Variants in SMG6 observed in about 807,000 individuals in gnomAD.
SMG6 encodes the protein telomerase-binding protein EST1A.
In SMG6, 66 loss-of-function variants were observed where a neutral mutation model predicts 142.2. That is an observed-to-expected ratio of 0.46 (90% CI 0.38 to 0.57). The LOEUF is 0.57. Among genes scored for constraint, SMG6 ranks in the 20% least tolerant of loss-of-function variants. The pLI, the probability that SMG6 is intolerant of heterozygous loss-of-function variation, is 0.00. For missense variants in SMG6, 1,793 were observed against 1,832.0 expected (o/e 0.98, Z 0.39); for synonymous variants, 779 against 702.4 (o/e 1.11, Z -1.72).
intron 14 of SMG6, among the ~76,000 whole-genome samples, chr17:2,084,374 C>T (rs1275529183): frequency 1.3e-5 from 2 of 152,346 alleles, no homozygotes; most frequent in South Asian, 4.1e-4. Flanking sequence ...CCATTATTCT[C>T]TGCCCAGGTT....
chr17:2,146,644 G>C (rs958984533), intron 13 of SMG6, among the ~76,000 whole-genome samples: 2 of 152,156 alleles, frequency 1.3e-5, no homozygotes, highest in Non-Finnish European at 2.9e-5. Context: ...ATGTTCAAGT[G>C]ATTCTCGAAC....
intron 8 of SMG6, among the ~76,000 whole-genome samples, chr17:2,254,316 C>T (rs116369346): frequency 1.1e-3 from 172 of 152,260 alleles, no homozygotes; most frequent in African/African-American, 4.0e-3. Flanking sequence ...TCCAAGAGCA[C>T]ATACATAAGC....
At position 2,068,998 on chromosome 17, in the gene SMG6, T is replaced by G; in HGVS notation, c.3682-67A>C. ...CAAGCAGGTGGGTGAGCCAGGGCCC[T>G]GACACTACGGTGTGTCAGCATCCTG... is the stretch of plus-strand genomic sequence containing the variant. On this transcript the variant is annotated intron_variant, in intron 15 of 18. Transcript: ENST00000263073. This position sits in a 1 kb window ranked among gnomAD's most constrained non-coding sequence, Gnocchi z 6.7. 3 of 1,505,544 alleles carry G rather than the reference T, an allele frequency of 2.0e-6. No homozygotes were observed. The highest frequency in any genetic ancestry group is 2.7e-6 in the Non-Finnish European group (3 of 1,091,728). 93.3% of individuals were successfully genotyped at this position (1,505,544 alleles called of 1,614,324 possible). A position where few individuals can be genotyped will look rare whatever the true frequency, so the allele number is the denominator to read the frequency against.
At chr17:2,064,138 C>T (rs1442629997) in intron 18 of SMG6, among the ~76,000 whole-genome samples, 2 of 152,034 alleles carry the variant, frequency 1.3e-5, no homozygotes, top group African/African-American at 4.8e-5. Context: ...GAAAGAAACA[C>T]GCACAGAAAG....
intron 18 of SMG6, among the ~76,000 whole-genome samples, chr17:2,064,781 T>C (rs1188665009): frequency 1.3e-5 from 2 of 152,010 alleles, no homozygotes; most frequent in Non-Finnish European, 2.9e-5. Flanking sequence ...CGGAACTCAC[T>C]GAGGACACCC....
At chr17:2,203,604 A>G (rs2072595999) in intron 10 of SMG6, among the ~76,000 whole-genome samples, 1 of 152,224 alleles carries the variant, frequency 6.6e-6, no homozygotes, top group African/African-American at 2.4e-5. Context: ...TCCTGTGTCA[A>G]AAGTTATTTA....
chr17:2,102,401 G>C (rs954194456), intron 13 of SMG6, among the ~76,000 whole-genome samples: 5 of 151,992 alleles, frequency 3.3e-5, no homozygotes, highest in African/African-American at 1.2e-4. Context: ...CTGTCACCCA[G>C]GCTGGAGTGC....
At chr17:2,087,512 T>G in intron 13 of SMG6, 1 of 1,041,182 alleles carries the variant, frequency 9.6e-7, no homozygotes, top group Non-Finnish European at 1.2e-6. Context: ...GCTAAGTACT[T>G]TGACCACCTT....
intron 8 of SMG6, 41 bp downstream of exon 8, chr17:2,282,606 C>T (rs1400820693): frequency 6.3e-7 from 1 of 1,596,672 alleles, no homozygotes; most frequent in South Asian, 1.1e-5. Context: ...CCCAGGCTTA[C>T]TGAGCTAGTT....
chr17:2,137,036 C>T lies in SMG6; in HGVS notation c.3357+35622G>A, dbSNP rs139985369. Among the ~76,000 whole-genome samples the T allele has an allele frequency of 1.7e-3, 265 of 152,184 alleles. 2 individuals carry two copies. The highest frequency in any genetic ancestry group is 5.7e-3 in the African/African-American group (238 of 41,528). ...AAAATTAGCTGGGCATGGTGGCACA[C>T]GCCTGTAGTCCCAGCTACCTTGGAG... On this transcript the variant is annotated intron_variant, in intron 13 of 18. Transcript: ENST00000263073.
At chr17:2,155,524 A>C (rs564557882) in intron 13 of SMG6, among the ~76,000 whole-genome samples, 10 of 152,354 alleles carry the variant, frequency 6.6e-5, no homozygotes, top group South Asian at 2.1e-4. Flanking sequence ...ATGAGGTTAC[A>C]TGACCATAAG....
chr17:2,272,667 G>A lies in SMG6; in HGVS notation c.2661+9980C>T, dbSNP rs149911437. On this transcript the variant is annotated intron_variant, in intron 8 of 18. Transcript: ENST00000263073. ...CTTAGAAGTGTCCTTGGCCGGGCAC[G>A]GTGGCTCATGCCTGTAATCCCAGAA... 3.8e-4 allele frequency among the ~76,000 whole-genome samples: 58 copies of A among 152,240 alleles called. No homozygotes were observed. The East Asian group carries it at 7.2e-3, about 19-fold the overall frequency.
At chr17:2,178,825 C>T (rs542276085) in intron 12 of SMG6, among the ~76,000 whole-genome samples, 40 of 152,266 alleles carry the variant, frequency 2.6e-4, no homozygotes, top group African/African-American at 9.4e-4. Context: ...GAGTGGAGCC[C>T]TCGGCGGCCT....
At chr17:2,287,096 T>C (rs113513990) in intron 6 of SMG6, among the ~76,000 whole-genome samples, 15,910 of 152,092 alleles carry the variant, frequency 0.1, 886 homozygotes, top group South Asian at 0.15. Flanking sequence ...TGCGCCTGGC[T>C]AATTTTTTGT....
At chr17:2,064,384 G>A (rs1343671572) in intron 18 of SMG6, among the ~76,000 whole-genome samples, 2 of 152,138 alleles carry the variant, frequency 1.3e-5, no homozygotes, top group African/African-American at 2.4e-5. Flanking sequence ...GTGGTCAAGC[G>A]CTTGGGTGAG....
In SMG6 at chr17:2,299,057, G is replaced by T; in HGVS notation, c.1696C>A (p.Pro566Thr). The T allele has an allele frequency of 6.2e-7, 1 of 1,614,188 alleles. No individual in the cohort carries two copies. Among genetic ancestry groups the T allele is most frequent in the Non-Finnish European group, 8.5e-7 (1 of 1,180,036 alleles). The change falls in exon 2 of 19, where the codon CCC becomes ACC. Residue 566 changes from proline to threonine, a missense_variant. By Grantham distance (38) the Pro-to-Thr change is conservative. This residue lies in a region of SMG6 where 1,597 missense variants were observed against 1,584.6 expected (regional missense o/e 1.01). Coordinates refer to ENST00000263073, the MANE Select transcript of SMG6 (RefSeq NM_017575.5). The surrounding 1 kb of genome is among the most constrained non-coding windows in gnomAD (Gnocchi z 4.3). ...CTCATGTGCTGCTCTACCTCCTCGG[G>T]ACTCATGGTGCTGGTAGGTAGAGGG... is the stretch of plus-strand genomic sequence containing the variant. ...CSPLPTSTMS[P>T]EEVEQHMRNL... is the part of the protein sequence containing the mutation.
intron 16 of SMG6, among the ~76,000 whole-genome samples, chr17:2,066,781 T>C (rs2067965963): frequency 6.6e-6 from 1 of 151,810 alleles, no homozygotes; most frequent in Non-Finnish European, 1.5e-5. Context: ...GGGTGTATGG[T>C]ACAGCAAACA....
At position 2,299,181 on chromosome 17, in the gene SMG6, G is replaced by A. The variant is rs144267376; in HGVS notation, c.1572C>T (p.Gly524=). 1.8e-4 allele frequency: 297 copies of A among 1,613,336 alleles called. No individual in the cohort carries two copies. In the African/African-American group the frequency reaches 3.6e-3, roughly 20 times the overall value. ...CCACTGGGTACTGTAGAGGGTTATA[G>A]CCCGTATAGGGATACTGGGAGGCAG... The part of the protein sequence containing the change: ...PGPASQYPYT[G]YNPLQYPVGP... Residue 524 remains glycine, a synonymous_variant, in exon 2 of 19, where the codon GGC becomes GGT. Coordinates refer to ENST00000263073, the MANE Select transcript of SMG6 (RefSeq NM_017575.5). The surrounding 1 kb of genome is among the most constrained non-coding windows in gnomAD (Gnocchi z 4.3).
chr17:2,303,110 G>A, intron 1 of SMG6: 2 of 985,456 alleles, frequency 2.0e-6, no homozygotes, highest in Non-Finnish European at 2.4e-6. Flanking sequence ...AACCCGAGTA[G>A]TCTGAGGTCC....
Sources: gnomAD v4.1 joint callset for allele counts (sites outside exome capture counted in the v4.1 genomes callset) on GRCh38, gnomAD v4.1.1 for gene constraint, gnomAD v4.1.1 regional missense constraint, Gnocchi (gnomAD v3.1) non-coding constraint, MANE v1.5 for transcripts, NCBI Gene and HGNC (gene_info 2026-07-23, HGNC 2026-07-21) for gene names.